The following TRAPPC6B variants were observed in gnomAD, a reference collection of about 807,000 sequenced individuals.
The protein encoded by TRAPPC6B is TRAPP complex subunit 6B.
In TRAPPC6B, 27 loss-of-function variants were observed where a neutral mutation model predicts 24.7. The observed-to-expected ratio is 1.09, with a 90% confidence interval of 0.81 to 1.51. The LOEUF is 1.51. Among genes scored for constraint, TRAPPC6B ranks in the 40% most tolerant of loss-of-function variants. The pLI is 0.00. For synonymous variants in TRAPPC6B, 80 were observed against 66.6 expected, an observed-to-expected ratio of 1.20 and a Z score of -0.98; for missense variants, 212 against 190.8, an observed-to-expected ratio of 1.11 and a Z score of -0.66.
rs187594738 is a variant in TRAPPC6B at position 39,151,168 on chromosome 14, G to T, written c.445+578C>A. On this transcript the variant is annotated intron_variant, in intron 5 of 5. Coordinates refer to ENST00000330149, the MANE Select transcript of TRAPPC6B (RefSeq NM_001079537.2). Reference sequence around the variant, plus strand: ...GCACTTTGGGAGGCCGAGGCAGACGGATCACAAGGTCAGGAGATGGAGACC... The same window carrying T: ...GCACTTTGGGAGGCCGAGGCAGACGTATCACAAGGTCAGGAGATGGAGACC... 2.4e-3 allele frequency among the ~76,000 whole-genome samples: 360 copies of T among 152,106 alleles called. 3 individuals carry two copies. Among genetic ancestry groups the T allele is most frequent in the African/African-American group, 8.0e-3 (333 of 41,512 alleles).
chr14:39,154,680 G>A (rs960666045), intron 3 of TRAPPC6B, among the ~76,000 whole-genome samples: 17 of 151,728 alleles, frequency 1.1e-4, no homozygotes, highest in South Asian at 8.3e-4. Context: ...TTGACCTCCC[G>A]AAGTGCTGGG....
intron 4 of TRAPPC6B, among the ~76,000 whole-genome samples, chr14:39,153,249 T>C (rs114974451): frequency 0.03 from 4,404 of 148,242 alleles, 228 homozygotes; most frequent in African/African-American, 0.1. Context: ...TCTCACACTC[T>C]GTCCGAAAAA....
intron 1 of TRAPPC6B, among the ~76,000 whole-genome samples, chr14:39,163,642 A>T (rs1461731494): frequency 6.6e-6 from 1 of 150,866 alleles, no homozygotes; most frequent in African/African-American, 2.5e-5. Context: ...GCTAAAATAA[A>T]GCTCCAAAAA....
At chr14:39,160,580 A>AAAGAG (rs1356592653) in intron 1 of TRAPPC6B, among the ~76,000 whole-genome samples, 2 of 151,182 alleles carry the variant, frequency 1.3e-5, no homozygotes, top group Non-Finnish European at 2.9e-5. Context: ...GAAAGAAAGA[A>AAAGAG]AAGAGAAGAG....
At chr14:39,151,642 T>C in intron 5 of TRAPPC6B, 104 bp downstream of exon 5, 1 of 812,860 alleles carries the variant, frequency 1.2e-6, no homozygotes, top group Non-Finnish European at 1.9e-6. Context: ...AAAACTAAAA[T>C]GAAAGTTTCA....
chr14:39,165,197 C>G lies in TRAPPC6B; in HGVS notation c.81+4818G>C, dbSNP rs531199791. ...AGTAGCTGGGACTACAGGCGACCGC[C>G]ACCACGCCCGGCTAATTTTTTGTAT... On this transcript the variant is annotated intron_variant, in intron 1 of 5. Coordinates refer to ENST00000330149, the MANE Select transcript of TRAPPC6B (RefSeq NM_001079537.2). Among the ~76,000 whole-genome samples, 5 of 152,234 alleles carry G rather than the reference C, an allele frequency of 3.3e-5. No homozygotes were observed. The East Asian group carries it at 7.7e-4, about 24-fold the overall frequency.
In TRAPPC6B at chr14:39,150,128, T is replaced by G. The variant is rs1485640189; in HGVS notation, c.*222A>C. The G allele has an allele frequency of 4.5e-6, 2 of 448,206 alleles. No individual in the cohort carries two copies. The highest frequency in any genetic ancestry group is 7.9e-5 in the East Asian group (2 of 25,168). 27.8% of individuals were successfully genotyped at this position (448,206 alleles called of 1,614,324 possible). A position where few individuals can be genotyped will look rare whatever the true frequency, so the allele number is the denominator to read the frequency against. On this transcript the variant is annotated 3_prime_UTR_variant, in exon 6 of 6. Transcript: ENST00000330149. ...AAAATAAGGGCCCTGCATCTTGGTG[T>G]CTGGTTATTTGAAATCCGGTTTTCA... is the stretch of plus-strand genomic sequence containing the variant.
At chr14:39,151,939 C>A in intron 4 of TRAPPC6B, 100 bp from the exon 5 acceptor site, 1 of 786,778 alleles carries the variant, frequency 1.3e-6, no homozygotes, top group Non-Finnish European at 2.0e-6. Flanking sequence ...GTAAGTCATT[C>A]CTGTTTAAAA....
chr14:39,150,833 G>A (rs557244359), intron 5 of TRAPPC6B, among the ~76,000 whole-genome samples: 9 of 151,790 alleles, frequency 5.9e-5, no homozygotes, highest in East Asian at 2.0e-4. Context: ...CACCACACCC[G>A]GCCAGTCAAT....
intron 1 of TRAPPC6B, among the ~76,000 whole-genome samples, chr14:39,169,030 G>A (rs906789143): frequency 2.6e-5 from 4 of 152,128 alleles, no homozygotes; most frequent in African/African-American, 9.7e-5. Context: ...AAATGCTTAA[G>A]TGTATTTAAA....
intron 1 of TRAPPC6B, among the ~76,000 whole-genome samples, chr14:39,169,621 G>A (rs1187452067): frequency 1.3e-5 from 2 of 152,122 alleles, no homozygotes; most frequent in East Asian, 3.8e-4. Context: ...GAGGAAGGAG[G>A]GACAGGCTTC....
intron 3 of TRAPPC6B, among the ~76,000 whole-genome samples, chr14:39,154,949 A>G (rs1187743719): frequency 6.6e-6 from 1 of 152,208 alleles, no homozygotes; most frequent in African/African-American, 2.4e-5. Context: ...TTATTTAGAC[A>G]TGAGCTCTCA....
At chr14:39,163,179 G>A (rs1233016776) in intron 1 of TRAPPC6B, among the ~76,000 whole-genome samples, 2 of 150,250 alleles carry the variant, frequency 1.3e-5, no homozygotes, top group Non-Finnish European at 2.9e-5. Flanking sequence ...AGATCATCCT[G>A]GCTAACACAG....
At chr14:39,167,635 T>C (rs1481135549) in intron 1 of TRAPPC6B, among the ~76,000 whole-genome samples, 1 of 152,178 alleles carries the variant, frequency 6.6e-6, no homozygotes, top group African/African-American at 2.4e-5. Context: ...CGTATTTCAG[T>C]ATGGGTTCTG....
At chr14:39,152,211 G>C (rs1258182418) in intron 4 of TRAPPC6B, among the ~76,000 whole-genome samples, 1 of 152,166 alleles carries the variant, frequency 6.6e-6, no homozygotes, top group African/African-American at 2.4e-5. Flanking sequence ...AGAGTGACTT[G>C]GCTATCTTAC....
intron 5 of TRAPPC6B, among the ~76,000 whole-genome samples, 154 bp from the exon 6 acceptor site, chr14:39,150,535 A>G (rs888359705): frequency 2.0e-5 from 3 of 152,222 alleles, no homozygotes; most frequent in East Asian, 1.9e-4. Context: ...AATAAAGTCA[A>G]TTCTATTTTT....
At chr14:39,159,332 G>T (rs2053026213) in intron 2 of TRAPPC6B, 151 bp downstream of exon 2, 1 of 412,976 alleles carries the variant, frequency 2.4e-6, no homozygotes, top group Non-Finnish European at 4.3e-6. Context: ...AAATGGCATT[G>T]GATCTAAAAA....
chr14:39,167,093 CT>C (rs1015212999), intron 1 of TRAPPC6B, among the ~76,000 whole-genome samples: 6 of 152,174 alleles, frequency 3.9e-5, no homozygotes, highest in Non-Finnish European at 5.9e-5. Flanking sequence ...ATCACATGAG[CT>C]TTTGAATTAA....
chr14:39,158,488 GA>G, intron 2 of TRAPPC6B, 86 bp from the exon 3 acceptor site: 1 of 761,264 alleles, frequency 1.3e-6, no homozygotes, highest in Non-Finnish European at 2.2e-6. Flanking sequence ...CCAAATGCCA[GA>G]ACAGCACTGA....
Sources: gnomAD v4.1 joint callset for allele counts (sites outside exome capture counted in the v4.1 genomes callset) on GRCh38, gnomAD v4.1.1 for gene constraint, MANE v1.5 for transcripts, NCBI Gene and HGNC (gene_info 2026-07-23, HGNC 2026-07-21) for gene names.